Variants in CPA6 observed in about 807,000 individuals in gnomAD.
The protein encoded by CPA6 is carboxypeptidase A6, also known as carboxypeptidase B.
CPA6 carries 58 observed loss-of-function variants against 63.3 expected under a neutral mutation model. The observed-to-expected ratio is 0.92, with a 90% confidence interval of 0.74 to 1.14. CPA6 has a LOEUF of 1.14. CPA6 is among the 50% of genes most tolerant of loss of function. CPA6 has a pLI of 0.00. For synonymous variants in CPA6, 185 were observed against 179.0 expected, an observed-to-expected ratio of 1.03 and a Z score of -0.27; for missense variants, 565 against 526.6, an observed-to-expected ratio of 1.07 and a Z score of -0.71.
intron 2 of CPA6, among the ~76,000 whole-genome samples, chr8:67,580,682 T>G (rs1159733295): frequency 6.6e-6 from 1 of 152,170 alleles, no homozygotes. Context: ...CCTTCAAGCA[T>G]GAATTAATTA....
chr8:67,559,830 C>CT (rs902466295), intron 2 of CPA6, among the ~76,000 whole-genome samples: 7 of 148,770 alleles, frequency 4.7e-5, no homozygotes, highest in African/African-American at 1.7e-4. Context: ...ATGGGGCTTT[C>CT]TACTGCTAAT....
At chr8:67,594,563 T>G (rs1162596978) in intron 2 of CPA6, among the ~76,000 whole-genome samples, 1 of 152,182 alleles carries the variant, frequency 6.6e-6, no homozygotes, top group Non-Finnish European at 1.5e-5. Context: ...GTCCCATATT[T>G]CTTGGAGGCT....
intron 8 of CPA6, among the ~76,000 whole-genome samples, chr8:67,436,824 T>C (rs924327431): frequency 6.6e-5 from 10 of 152,212 alleles, no homozygotes; most frequent in African/African-American, 2.4e-4. Flanking sequence ...ATGAGGCCAC[T>C]AATGTCTCTT....
At chr8:67,441,201 T>A (rs1010884773) in intron 8 of CPA6, among the ~76,000 whole-genome samples, 7 of 152,206 alleles carry the variant, frequency 4.6e-5, no homozygotes, top group Non-Finnish European at 1.0e-4. Flanking sequence ...AATAGTGTAA[T>A]TCTACTCTTG....
intron 1 of CPA6, among the ~76,000 whole-genome samples, chr8:67,687,607 G>A (rs1816732719): frequency 6.6e-6 from 1 of 152,120 alleles, no homozygotes; most frequent in East Asian, 1.9e-4. Context: ...ACTTAGTGCT[G>A]TGCCTCATAT....
chr8:67,560,730 C>A (rs1358041273), intron 2 of CPA6, among the ~76,000 whole-genome samples: 5 of 152,240 alleles, frequency 3.3e-5, no homozygotes, highest in African/African-American at 1.2e-4. Flanking sequence ...TACCAGCTGA[C>A]ACTAGGGCCT....
chr8:67,695,052 C>T (rs947868896), intron 1 of CPA6, among the ~76,000 whole-genome samples: 3 of 152,068 alleles, frequency 2.0e-5, no homozygotes, highest in Non-Finnish European at 4.4e-5. Context: ...ATTGGTATCC[C>T]TTGTGAATGC....
At position 67,491,551 on chromosome 8, in the gene CPA6, A is replaced by G. The variant is rs186711601; in HGVS notation, c.637-6762T>C. 1.8e-3 allele frequency among the ~76,000 whole-genome samples: 271 copies of G among 152,278 alleles called. 1 individual carries two copies. The highest frequency in any genetic ancestry group is 3.0e-3 in the Non-Finnish European group (202 of 68,024). ...AATGTTTTGTGTCACCAGGAAGAAT[A>G]TACTACTAGATACATGTCTATTCTT... is the stretch of plus-strand genomic sequence containing the variant. On this transcript the variant is annotated intron_variant, in intron 6 of 10. Coordinates refer to ENST00000297770, the MANE Select transcript of CPA6 (RefSeq NM_020361.5).
At chr8:67,586,470 T>C (rs941840881) in intron 2 of CPA6, among the ~76,000 whole-genome samples, 3 of 152,154 alleles carry the variant, frequency 2.0e-5, no homozygotes, top group Non-Finnish European at 4.4e-5. Flanking sequence ...GTATTTTAAG[T>C]ATAAACAAGA....
At chr8:67,433,983 A>C in intron 9 of CPA6, 55 bp downstream of exon 9, 2 of 1,248,936 alleles carry the variant, frequency 1.6e-6, no homozygotes, top group Non-Finnish European at 2.4e-6. Context: ...GAACCATCTT[A>C]GCTTCAGAAA....
intron 8 of CPA6, among the ~76,000 whole-genome samples, chr8:67,477,289 C>CA (rs10570927): frequency 0.013 from 832 of 65,536 alleles, 5 homozygotes; most frequent in African/African-American, 0.017. Context: ...GACTCCATCT[C>CA]AAAAAAAAAA....
At chr8:67,574,392 A>T (rs1029788386) in intron 2 of CPA6, among the ~76,000 whole-genome samples, 1 of 151,616 alleles carries the variant, frequency 6.6e-6, no homozygotes, top group Non-Finnish European at 1.5e-5. Flanking sequence ...AAAAAAAAAA[A>T]AGCAAATTGA....
At chr8:67,711,505 A>C (rs1817258102) in intron 1 of CPA6, among the ~76,000 whole-genome samples, 1 of 152,096 alleles carries the variant, frequency 6.6e-6, no homozygotes. Flanking sequence ...CAGTTTGTGG[A>C]GTGGGCACTA....
chr8:67,447,093 C>CAT (rs538973072), intron 8 of CPA6, among the ~76,000 whole-genome samples: 450 of 151,252 alleles, frequency 3.0e-3, no homozygotes, highest in Non-Finnish European at 4.9e-3. Flanking sequence ...TATATACACA[C>CAT]ATATATATAC....
intron 2 of CPA6, among the ~76,000 whole-genome samples, chr8:67,555,764 G>T (rs2128973621): frequency 6.6e-6 from 1 of 152,282 alleles, no homozygotes; most frequent in South Asian, 2.1e-4. Flanking sequence ...TTAGTGTCAG[G>T]ATTGAATTGG....
At chr8:67,609,537 C>T (rs1192484475) in intron 2 of CPA6, among the ~76,000 whole-genome samples, 1 of 152,114 alleles carries the variant, frequency 6.6e-6, no homozygotes, top group Admixed American at 6.5e-5. Context: ...CCAACCTTGT[C>T]CAAGTGGTCT....
intron 6 of CPA6, among the ~76,000 whole-genome samples, chr8:67,492,731 G>A (rs903260502): frequency 1.3e-5 from 2 of 152,148 alleles, no homozygotes; most frequent in African/African-American, 4.8e-5. Context: ...CTGGTGGAAA[G>A]CAAGCATTGT....
intron 1 of CPA6, among the ~76,000 whole-genome samples, chr8:67,629,276 G>A (rs2128987730): frequency 6.6e-6 from 1 of 151,846 alleles, no homozygotes; most frequent in East Asian, 1.9e-4. Flanking sequence ...AGACCAACCT[G>A]GACAACATAG....
chr8:67,538,396 T>C (rs957175520), intron 2 of CPA6, among the ~76,000 whole-genome samples: 2 of 152,178 alleles, frequency 1.3e-5, no homozygotes, highest in African/African-American at 4.8e-5. Flanking sequence ...ATATTTAGGA[T>C]ATTTAGCTCT....
Sources: gnomAD v4.1 joint callset for allele counts (sites outside exome capture counted in the v4.1 genomes callset) on GRCh38, gnomAD v4.1.1 for gene constraint, MANE v1.5 for transcripts, NCBI Gene and HGNC (gene_info 2026-07-23, HGNC 2026-07-21) for gene names.